The following ANKS1A variants were observed in gnomAD, a reference collection of about 807,000 sequenced individuals.
ANKS1A encodes ankyrin repeat and SAM domain-containing protein 1A.
In ANKS1A, 55 loss-of-function variants were observed where a neutral mutation model predicts 120.3. The ratio of observed to expected loss-of-function variants is 0.46; its 90% CI spans 0.37 to 0.57. The LOEUF (loss-of-function observed/expected upper bound fraction) is 0.57, where lower values mean the gene tolerates loss of function less well. Among genes scored for constraint, ANKS1A ranks in the 20% least tolerant of loss-of-function variants. ANKS1A has a pLI of 0.00. For missense variants in ANKS1A, 1,123 were observed against 1,480.3 expected (o/e 0.76, Z 3.96); for synonymous variants, 590 against 604.7 (o/e 0.98, Z 0.36).
At chr6:35,079,988 A>G in intron 16 of ANKS1A, 60 bp downstream of exon 16, 2 of 1,529,658 alleles carry the variant, frequency 1.3e-6, no homozygotes, top group Non-Finnish European at 1.8e-6. Context: ...CAGGAATTAC[A>G]TAGAATTCTT....
At chr6:34,945,751 C>A (rs1561863549) in intron 1 of ANKS1A, among the ~76,000 whole-genome samples, 3 of 152,062 alleles carry the variant, frequency 2.0e-5, no homozygotes, top group Non-Finnish European at 4.4e-5. Flanking sequence ...TAGATATAGA[C>A]CTATTCAGAT....
intron 3 of ANKS1A, among the ~76,000 whole-genome samples, chr6:34,977,235 T>C (rs956690604): frequency 1.3e-5 from 2 of 152,196 alleles, no homozygotes; most frequent in Admixed American, 6.5e-5. Context: ...TGGGTATACA[T>C]TTTTGGCAGG....
At position 35,082,356 on chromosome 6, in the gene ANKS1A, C is replaced by T. The variant is rs1482074268; in HGVS notation, c.2710-335C>T. Among the ~76,000 whole-genome samples, 1 of 152,168 alleles carries T rather than the reference C, an allele frequency of 6.6e-6. No homozygotes were observed. The highest frequency in any genetic ancestry group is 2.4e-5 in the African/African-American group (1 of 41,444). The stretch of plus-strand genomic sequence containing the variant: ...TCTCTCCTTTGGTCTTTGTGCAGAA[C>T]AGCCTGGCAGCCTGTGCCCCCCACA... On this transcript the variant is annotated intron_variant, in intron 17 of 23. Coordinates refer to ENST00000360359, the MANE Select transcript of ANKS1A (RefSeq NM_015245.3). The surrounding 1 kb of genome is among the most constrained non-coding windows in gnomAD (Gnocchi z 4.1).
At chr6:35,013,545 AC>A in intron 10 of ANKS1A, among the ~76,000 whole-genome samples, 1 of 152,160 alleles carries the variant, frequency 6.6e-6, no homozygotes, top group East Asian at 1.9e-4. Context: ...TCCTCCCACC[AC>A]AGGCTCCCAA....
At chr6:35,034,917 A>G (rs1775083557) in intron 11 of ANKS1A, among the ~76,000 whole-genome samples, 1 of 152,260 alleles carries the variant, frequency 6.6e-6, no homozygotes, top group African/African-American at 2.4e-5. Flanking sequence ...ACCCAGATGC[A>G]AAAACTTAAA....
intron 1 of ANKS1A, among the ~76,000 whole-genome samples, chr6:34,900,450 TG>T (rs1038931731): frequency 3.4e-5 from 5 of 147,858 alleles, no homozygotes; most frequent in African/African-American, 1.3e-4. Flanking sequence ...CAACTCTCTC[TG>T]TTTTTTTTTT....
chr6:34,893,811 A>G (rs923396970), intron 1 of ANKS1A, among the ~76,000 whole-genome samples: 2 of 152,214 alleles, frequency 1.3e-5, no homozygotes, highest in Non-Finnish European at 2.9e-5. Context: ...CTATATACCT[A>G]TGTAAGCCCC....
intron 23 of ANKS1A, 113 bp downstream of exon 23, chr6:35,087,162 G>A: frequency 9.1e-7 from 1 of 1,103,630 alleles, no homozygotes; most frequent in Non-Finnish European, 1.3e-6. Flanking sequence ...AGCTGCTGAT[G>A]CCAAGGCCCC....
chr6:34,955,129 TTTTTC>T (rs201700117), intron 1 of ANKS1A, among the ~76,000 whole-genome samples: 2 of 130,176 alleles, frequency 1.5e-5, no homozygotes, highest in African/African-American at 7.1e-5. Flanking sequence ...TGAGTTTTCT[TTTTTC>T]TTTTCTTTTC....
At chr6:34,997,675 G>T (rs912411320) in intron 10 of ANKS1A, among the ~76,000 whole-genome samples, 2 of 152,218 alleles carry the variant, frequency 1.3e-5, no homozygotes, top group Non-Finnish European at 2.9e-5. Flanking sequence ...TCATGGAGGA[G>T]GGAGATTCCA....
At chr6:34,913,996 C>A (rs1033392386) in intron 1 of ANKS1A, among the ~76,000 whole-genome samples, 1 of 152,124 alleles carries the variant, frequency 6.6e-6, no homozygotes, top group African/African-American at 2.4e-5. Context: ...TGGCTCACTG[C>A]AAGCTCCGCC....
At chr6:35,017,342 C>T (rs1461797123) in intron 10 of ANKS1A, 131 bp from the exon 11 acceptor site, 3 of 916,274 alleles carry the variant, frequency 3.3e-6, no homozygotes, top group Admixed American at 2.9e-5. Context: ...CTCCCCCTCC[C>T]CAGCCTATCC....
intron 1 of ANKS1A, among the ~76,000 whole-genome samples, chr6:34,918,018 G>A (rs149934346): frequency 5.3e-5 from 8 of 152,218 alleles, no homozygotes; most frequent in Admixed American, 2.6e-4. Flanking sequence ...TGTGTTTTCT[G>A]TTCCTTGTTC....
At chr6:34,924,119 G>A (rs146697858) in intron 1 of ANKS1A, among the ~76,000 whole-genome samples, 1 of 151,570 alleles carries the variant, frequency 6.6e-6, no homozygotes, top group Non-Finnish European at 1.5e-5. Context: ...GTGTGTGTGT[G>A]TGTGTGTGTA....
Position 35,026,826 on chromosome 6 carries a change from T to C in ANKS1A, c.2010+8767T>C, listed in dbSNP as rs114727780. Among the ~76,000 whole-genome samples the C allele has an allele frequency of 4.6e-3, 702 of 152,368 alleles. 5 individuals carry two copies. Among genetic ancestry groups the C allele is most frequent in the African/African-American group, 0.016 (663 of 41,576 alleles). On this transcript the variant is annotated intron_variant, in intron 11 of 23. Transcript: ENST00000360359. Reference sequence around the variant, plus strand: ...TTTCTTTAGTCATGATTGCTACCTGTTGCCTTTCTCATCTTGGTTTTTTTC... The same window carrying C: ...TTTCTTTAGTCATGATTGCTACCTGCTGCCTTTCTCATCTTGGTTTTTTTC...
At chr6:34,924,910 C>T (rs1768631344) in intron 1 of ANKS1A, among the ~76,000 whole-genome samples, 1 of 152,182 alleles carries the variant, frequency 6.6e-6, no homozygotes, top group Non-Finnish European at 1.5e-5. Flanking sequence ...CGTGAGCCAC[C>T]ACGCCTGGCC....
intron 11 of ANKS1A, among the ~76,000 whole-genome samples, chr6:35,021,585 C>T (rs2127561674): frequency 6.6e-6 from 1 of 152,310 alleles, no homozygotes; most frequent in Admixed American, 6.5e-5. Flanking sequence ...AGCACAGTTC[C>T]TAGCATGCAT....
chr6:35,008,988 A>G (rs1773604279), intron 10 of ANKS1A, among the ~76,000 whole-genome samples: 1 of 152,188 alleles, frequency 6.6e-6, no homozygotes, highest in Non-Finnish European at 1.5e-5. Context: ...GAGAATGGTA[A>G]GAGTAATCCG....
At chr6:35,003,732 C>T (rs535921631) in intron 10 of ANKS1A, among the ~76,000 whole-genome samples, 1 of 152,278 alleles carries the variant, frequency 6.6e-6, no homozygotes, top group South Asian at 2.1e-4. Context: ...CTATATGAAT[C>T]ACTATCAATC....
Sources: allele counts gnomAD v4.1 joint callset (sites outside exome capture counted in the v4.1 genomes callset), GRCh38; gene constraint gnomAD v4.1.1; non-coding constraint Gnocchi (gnomAD v3.1); transcripts MANE v1.5; gene names NCBI Gene and HGNC (gene_info 2026-07-23, HGNC 2026-07-21).